The following FBXL17 variants were observed in gnomAD, a reference collection of about 807,000 sequenced individuals.
FBXL17 encodes the protein F-box/LRR-repeat protein 17.
FBXL17 carries 22 observed loss-of-function variants against 66.2 expected under a neutral mutation model. The observed-to-expected ratio is 0.33, with a 90% confidence interval of 0.24 to 0.47. FBXL17 has a LOEUF of 0.47. Ranked by LOEUF, FBXL17 falls within the 20% of genes least tolerant of loss-of-function variation. The pLI is 1.00. For synonymous variants in FBXL17, 474 were observed against 400.5 expected (o/e 1.18, Z -2.19); for missense variants, 878 against 948.2 (o/e 0.93, Z 0.97).
chr5:107,975,839 A>AG (rs1180803328), intron 7 of FBXL17, among the ~76,000 whole-genome samples: 1 of 131,206 alleles, frequency 7.6e-6, no homozygotes, highest in Non-Finnish European at 1.6e-5. Flanking sequence ...TGATAATTAG[A>AG]GGGTTTTTGT....
intron 8 of FBXL17, chr5:107,878,786 C>T (rs1049774092): frequency 3.0e-6 from 3 of 985,372 alleles, no homozygotes; most frequent in Non-Finnish European, 3.6e-6. Context: ...CTTCCATCCT[C>T]ACAGAGCCTC....
chr5:108,154,602 A>T lies in FBXL17; in HGVS notation c.1745+31515T>A, dbSNP rs80083179. ...TGAAACTCAGTTTCAAAAAAAAAAAAAAAAATATATATATACACACACACA... is the reference window on the plus strand; with the variant it reads ...TGAAACTCAGTTTCAAAAAAAAAAATAAAAATATATATATACACACACACA... On this transcript the variant is annotated intron_variant, in intron 6 of 8. Transcript: ENST00000542267. 4.7e-3 allele frequency among the ~76,000 whole-genome samples: 344 copies of T among 72,908 alleles called. 3 individuals are homozygous for T. The highest frequency in any genetic ancestry group is 0.019 in the African/African-American group (331 of 17,574). The allele number at this position is 72,908 out of a possible 152,430, so 47.8% of individuals were successfully genotyped here. A position where few individuals can be genotyped will look rare whatever the true frequency, so the allele number is the denominator to read the frequency against.
At chr5:108,039,828 G>A (rs549771977) in intron 6 of FBXL17, among the ~76,000 whole-genome samples, 114 of 152,086 alleles carry the variant, frequency 7.5e-4, no homozygotes, top group African/African-American at 2.6e-3. Context: ...CCATCTCAAA[G>A]ATGTTAGAAA....
At chr5:108,080,718 G>T (rs578096776) in intron 6 of FBXL17, among the ~76,000 whole-genome samples, 1 of 152,270 alleles carries the variant, frequency 6.6e-6, no homozygotes, top group Non-Finnish European at 1.5e-5. Context: ...GGTCTTGGTG[G>T]ATTCAAATAT....
At chr5:108,219,801 G>T (rs1446656395) in intron 5 of FBXL17, among the ~76,000 whole-genome samples, 2 of 151,782 alleles carry the variant, frequency 1.3e-5, no homozygotes, top group Non-Finnish European at 2.9e-5. Context: ...AGTTTTTTTT[G>T]ATCAGTGTGA....
intron 6 of FBXL17, among the ~76,000 whole-genome samples, chr5:108,142,668 T>C (rs1351878217): frequency 2.6e-5 from 4 of 152,124 alleles, no homozygotes; most frequent in Non-Finnish European, 5.9e-5. Context: ...GGGGAAGAAA[T>C]GTTGATGAGA....
chr5:108,026,522 C>T (rs748804487), intron 6 of FBXL17, among the ~76,000 whole-genome samples: 7 of 152,052 alleles, frequency 4.6e-5, no homozygotes, highest in Admixed American at 6.6e-5. Context: ...AGATGTTTAC[C>T]GCAAGAAAAA....
intron 6 of FBXL17, among the ~76,000 whole-genome samples, chr5:108,178,600 C>T (rs1221084007): frequency 6.6e-6 from 1 of 152,088 alleles, no homozygotes; most frequent in Non-Finnish European, 1.5e-5. Context: ...AGACAATACA[C>T]AAAACTATTC....
chr5:108,298,816 T>C, intron 4 of FBXL17: 1 of 870,952 alleles, frequency 1.1e-6, no homozygotes, highest in Non-Finnish European at 1.4e-6. Context: ...ATTTTCAAAA[T>C]AAAACAAAAA....
intron 4 of FBXL17, among the ~76,000 whole-genome samples, chr5:108,250,174 G>C (rs999608385): frequency 6.6e-6 from 1 of 152,044 alleles, no homozygotes; most frequent in African/African-American, 2.4e-5. Context: ...GCATAATTTT[G>C]ATGAATGCTA....
intron 4 of FBXL17, among the ~76,000 whole-genome samples, chr5:108,261,696 T>C (rs1166599547): frequency 8.5e-6 from 1 of 117,444 alleles, no homozygotes; most frequent in Admixed American, 9.3e-5. Context: ...ATATACAGGA[T>C]AGAAGGGTTA....
chr5:108,002,467 C>T (rs936244737), intron 7 of FBXL17, among the ~76,000 whole-genome samples: 1 of 152,030 alleles, frequency 6.6e-6, no homozygotes, highest in Non-Finnish European at 1.5e-5. Context: ...AAATACATAA[C>T]CGACTTAGTA....
intron 6 of FBXL17, among the ~76,000 whole-genome samples, chr5:108,087,386 C>G (rs2149925812): frequency 6.6e-6 from 1 of 152,214 alleles, no homozygotes; most frequent in Non-Finnish European, 1.5e-5. Context: ...CGAACAGCAG[C>G]CTGCAACAGC....
intron 7 of FBXL17, among the ~76,000 whole-genome samples, chr5:107,907,584 A>C (rs954370744): frequency 1.3e-5 from 2 of 152,168 alleles, no homozygotes; most frequent in Non-Finnish European, 2.9e-5. Flanking sequence ...CAATGAACTC[A>C]AACAAATTTA....
intron 4 of FBXL17, among the ~76,000 whole-genome samples, chr5:108,228,825 T>C (rs1755205620): frequency 1.3e-5 from 2 of 152,178 alleles, no homozygotes; most frequent in Admixed American, 6.6e-5. Context: ...AAGGGAGACA[T>C]AGGTGAAAGT....
chr5:108,037,171 T>G (rs1746878943), intron 6 of FBXL17, among the ~76,000 whole-genome samples: 1 of 152,208 alleles, frequency 6.6e-6, no homozygotes, highest in Non-Finnish European at 1.5e-5. Flanking sequence ...CCATGATATT[T>G]ATTTTACAGT....
Position 107,881,174 on chromosome 5 carries a change from T to A in FBXL17, c.1828A>T (p.Ile610Leu). The A allele has an allele frequency of 1.9e-6, 3 of 1,602,620 alleles. No homozygotes were observed. The highest frequency in any genetic ancestry group is 2.6e-6 in the Non-Finnish European group (3 of 1,172,242). ...GTCATGCTGTATCGCCCAATGGCTA[T>A]CAGTGCTGCAAGAAGGGACGCAGAG... ...VSCKITDYAL[I>L]AIGRYSMTIE... The change falls in exon 8 of 9, where the codon ATA (isoleucine) becomes TTA (leucine). Residue 610 changes from isoleucine to leucine, a missense_variant. This residue lies in a region of FBXL17 where 236 missense variants were observed against 389.1 expected (regional missense o/e 0.61). Coordinates refer to ENST00000542267, the MANE Select transcript of FBXL17 (RefSeq NM_001163315.3).
At chr5:107,925,858 T>A (rs1198883041) in intron 7 of FBXL17, among the ~76,000 whole-genome samples, 2 of 152,152 alleles carry the variant, frequency 1.3e-5, no homozygotes, top group Non-Finnish European at 2.9e-5. Context: ...CAAACTAAAG[T>A]AATCAATATC....
intron 6 of FBXL17, among the ~76,000 whole-genome samples, chr5:108,158,509 CTGTGTG>C (rs3984948): frequency 6.9e-4 from 103 of 149,302 alleles, no homozygotes; most frequent in African/African-American, 2.4e-3. Context: ...GTGTGTGTGT[CTGTGTG>C]TGTGTGTGTG....
Sources: gnomAD v4.1 joint callset for allele counts (sites outside exome capture counted in the v4.1 genomes callset) on GRCh38, gnomAD v4.1.1 for gene constraint, gnomAD v4.1.1 regional missense constraint, MANE v1.5 for transcripts, NCBI Gene and HGNC (gene_info 2026-07-23, HGNC 2026-07-21) for gene names.